Variants in MAP3K2 observed in about 807,000 individuals in gnomAD.
MAP3K2 encodes MAP/ERK kinase kinase 2.
MAP3K2 carries 24 observed loss-of-function variants against 80.3 expected under a neutral mutation model. The ratio of observed to expected loss-of-function variants is 0.30; its 90% CI spans 0.22 to 0.42. The LOEUF (loss-of-function observed/expected upper bound fraction) is 0.42. Ranked by LOEUF, MAP3K2 falls within the 10% of genes least tolerant of loss-of-function variation. The probability of loss-of-function intolerance (pLI) is 1.00; values close to 1 mark genes in which losing one functional copy is unlikely to be tolerated. For missense variants in MAP3K2, 608 were observed against 750.1 expected, an observed-to-expected ratio of 0.81 and a Z score of 2.21; for synonymous variants, 244 against 253.7, an observed-to-expected ratio of 0.96 and a Z score of 0.36.
chr2:127,301,850 G>A lies in MAP3K2; in HGVS notation c.*5729C>T, dbSNP rs1685598189. ...AGGACCACTGAAAAAAGAATCTCTA[G>A]GCTCCCCCAAGAGCTCATTTCCATC... On this transcript the variant is annotated 3_prime_UTR_variant, in exon 17 of 17. Transcript: ENST00000682094. 1 of 152,092 alleles carries A rather than the reference G, an allele frequency of 6.6e-6. No individual in the cohort carries two copies. Among genetic ancestry groups the A allele is most frequent in the Non-Finnish European group, 1.5e-5 (1 of 68,018 alleles). 9.4% of individuals were successfully genotyped at this position (152,092 alleles called of 1,614,324 possible). A position where few individuals can be genotyped will look rare whatever the true frequency, so the allele number is the denominator to read the frequency against.
intron 1 of MAP3K2, among the ~76,000 whole-genome samples, chr2:127,373,752 ACACT>A (rs1170381378): frequency 6.6e-6 from 1 of 152,198 alleles, no homozygotes; most frequent in Non-Finnish European, 1.5e-5. Context: ...CGGGACTAAA[ACACT>A]CTCTCTCTAT....
At chr2:127,361,726 T>TA (rs1275579890) in intron 1 of MAP3K2, among the ~76,000 whole-genome samples, 3 of 152,242 alleles carry the variant, frequency 2.0e-5, no homozygotes, top group African/African-American at 7.2e-5. Context: ...AAAGAATGTG[T>TA]AGTTTATTTG....
At chr2:127,314,686 A>T in intron 15 of MAP3K2, 68 bp downstream of exon 15, 1 of 1,242,172 alleles carries the variant, frequency 8.1e-7, no homozygotes, top group Non-Finnish European at 1.2e-6. Flanking sequence ...TGTCTTACCC[A>T]CATCACTTGT....
chr2:127,374,335 C>T (rs1177659068), intron 1 of MAP3K2, among the ~76,000 whole-genome samples: 2 of 152,162 alleles, frequency 1.3e-5, no homozygotes, highest in African/African-American at 2.4e-5. Flanking sequence ...TTTTATTACA[C>T]ACATTCGGGC....
intron 12 of MAP3K2, among the ~76,000 whole-genome samples, chr2:127,320,654 C>A (rs1686000212): frequency 6.6e-6 from 1 of 152,092 alleles, no homozygotes; most frequent in South Asian, 2.1e-4. Flanking sequence ...CACAAATATA[C>A]CTAGACACGT....
Position 127,336,778 on chromosome 2 carries a change from C to T in MAP3K2, c.165-809G>A, listed in dbSNP as rs558931469. On this transcript the variant is annotated intron_variant, in intron 4 of 16. Transcript: ENST00000682094. ...ATATGCTTATATGATTTGTGAGCCACTTTAAAATCCTTAAAACTGTTAGGC... is the reference window on the plus strand; with the variant it reads ...ATATGCTTATATGATTTGTGAGCCATTTTAAAATCCTTAAAACTGTTAGGC... Among the ~76,000 whole-genome samples, 7 of 152,320 alleles carry T rather than the reference C, an allele frequency of 4.6e-5. No individual in the cohort carries two copies. In the South Asian group the frequency reaches 1.0e-3, roughly 23 times the overall value.
At chr2:127,378,463 T>C (rs1333399326) in intron 1 of MAP3K2, among the ~76,000 whole-genome samples, 1 of 152,216 alleles carries the variant, frequency 6.6e-6, no homozygotes, top group East Asian at 1.9e-4. Flanking sequence ...AATACATTTA[T>C]GTTCCCATCA....
At position 127,304,049 on chromosome 2, in the gene MAP3K2, T is replaced by A. The variant is rs1477187963; in HGVS notation, c.*3530A>T. On this transcript the variant is annotated 3_prime_UTR_variant, in exon 17 of 17. Transcript: ENST00000682094. The stretch of plus-strand genomic sequence containing the variant: ...TTCTTTGGGAATAAGGTAAAGACTC[T>A]CTCAAGTGAAAGCCAATCCAATTCA... The A allele has an allele frequency of 6.6e-6, 1 of 152,174 alleles. No individual in the cohort carries two copies. The highest frequency in any genetic ancestry group is 1.5e-5 in the Non-Finnish European group (1 of 68,014). 9.4% of individuals were successfully genotyped at this position (152,174 alleles called of 1,614,324 possible).
At chr2:127,388,318 C>A (rs1324255206), upstream of MAP3K2, 3 of 985,398 alleles carry the variant, frequency 3.0e-6, no homozygotes, top group Non-Finnish European at 3.6e-6. Context: ...AAAGGTCTCC[C>A]ACGTGGGCTG....
chr2:127,326,612 C>G, intron 8 of MAP3K2, 75 bp downstream of exon 8: 1 of 1,096,460 alleles, frequency 9.1e-7, no homozygotes, highest in Non-Finnish European at 1.2e-6. Context: ...CACACACACC[C>G]AGTTACGTGC....
intron 1 of MAP3K2, among the ~76,000 whole-genome samples, chr2:127,369,017 G>A (rs1297305427): frequency 2.0e-5 from 3 of 151,866 alleles, no homozygotes; most frequent in South Asian, 2.1e-4. Context: ...GCGGGATCTC[G>A]GCTCACTGCA....
At chr2:127,346,792 A>G (rs758709197) in intron 1 of MAP3K2, among the ~76,000 whole-genome samples, 2 of 151,998 alleles carry the variant, frequency 1.3e-5, no homozygotes, top group Admixed American at 6.6e-5. Flanking sequence ...GTTCGAAATC[A>G]GCCTGGCCAA....
chr2:127,379,182 A>G (rs1017074579), intron 1 of MAP3K2, among the ~76,000 whole-genome samples: 2 of 151,950 alleles, frequency 1.3e-5, no homozygotes. Flanking sequence ...TATTCCCCTT[A>G]TATTAATAAC....
At chr2:127,365,147 A>AAAAAAAAAAT (rs1686950420) in intron 1 of MAP3K2, among the ~76,000 whole-genome samples, 1 of 142,366 alleles carries the variant, frequency 7.0e-6, no homozygotes, top group Non-Finnish European at 1.5e-5. Flanking sequence ...AAAAAAAAAA[A>AAAAAAAAAAT]AAAAAAAGCT....
Position 127,343,183 on chromosome 2 carries a change from A to C in MAP3K2, c.-54T>G. The C allele has an allele frequency of 7.0e-7, 1 of 1,430,396 alleles. No individual in the cohort carries two copies. Among genetic ancestry groups the C allele is most frequent in the Admixed American group, 2.0e-5 (1 of 50,562 alleles). The allele number at this position is 1,430,396 out of a possible 1,614,324, so 88.6% of individuals were successfully genotyped here. On this transcript the variant is annotated 5_prime_UTR_variant, in exon 2 of 17. It removes an upstream start codon present in the reference 5' UTR. Transcript: ENST00000682094. ...TTAGGAAAATGGTTCTCCCATCAGCATTCTTTATGGCCTGAGAAGATAAAA... is the reference window on the plus strand; with the variant it reads ...TTAGGAAAATGGTTCTCCCATCAGCCTTCTTTATGGCCTGAGAAGATAAAA...
rs766935612 is a variant in MAP3K2, at chr2:127,322,012, T to C, written c.1045+34A>G. On this transcript the variant is annotated intron_variant, in intron 12 of 16. Transcript: ENST00000682094. This position sits in a 1 kb window ranked among gnomAD's most constrained non-coding sequence, Gnocchi z 4.2. ...ATATAAAATTCTGCAAAGATTCTGC[T>C]CTACATTTCACTATACCAAGTTCTA... 6.4e-6 allele frequency: 10 copies of C among 1,563,580 alleles called. No homozygotes were observed. In the South Asian group the frequency reaches 1.0e-4, roughly 16 times the overall value.
rs1686942796 is a variant in MAP3K2 at position 127,364,719 on chromosome 2, C to G, written c.-65-21525G>C. On this transcript the variant is annotated intron_variant, in intron 1 of 16. Transcript: ENST00000682094. The surrounding 1 kb of genome is among the most constrained non-coding windows in gnomAD (Gnocchi z 4.1). ...ATAACCTCAAATATAGGAACTATGT[C>G]TTCTACTTTATTCTGCACTCATCTT... Among the ~76,000 whole-genome samples the G allele has an allele frequency of 6.6e-6, 1 of 152,166 alleles. No homozygotes were observed. The highest frequency in any genetic ancestry group is 2.1e-4 in the South Asian group (1 of 4,830).
intron 1 of MAP3K2, among the ~76,000 whole-genome samples, chr2:127,372,693 CCA>C (rs2104890351): frequency 6.6e-6 from 1 of 152,236 alleles, no homozygotes; most frequent in South Asian, 2.1e-4. Context: ...CTAATAATGG[CCA>C]CAGTTATTCC....
rs531171331 is a variant in MAP3K2 at position 127,298,941 on chromosome 2, TAG to T, written c.*8636_*8637del. The T allele has an allele frequency of 1.6e-4, 21 of 131,858 alleles. No homozygotes were observed. In the East Asian group the frequency reaches 5.9e-3, roughly 37 times the overall value. The allele number at this position is 131,858 out of a possible 1,614,324, so 8.2% of individuals were successfully genotyped here. ...AATATAAACATGGTTTCTTTTATAT[TAG>T]ATTTTTTTTTAAAAAAAAGCTATTT... is the stretch of plus-strand genomic sequence containing the variant. On this transcript the variant is annotated 3_prime_UTR_variant, in exon 17 of 17. Transcript: ENST00000682094.
Sources: gnomAD v4.1 joint callset for allele counts (sites outside exome capture counted in the v4.1 genomes callset) on GRCh38, gnomAD v4.1.1 for gene constraint, Gnocchi (gnomAD v3.1) non-coding constraint, MANE v1.5 for transcripts, NCBI Gene and HGNC (gene_info 2026-07-23, HGNC 2026-07-21) for gene names.